The following ZNF235 variants were observed in gnomAD, a reference collection of about 807,000 sequenced individuals.
ZNF235 encodes zfp-93.
Under a neutral mutation model 29.4 loss-of-function variants are expected in ZNF235, and 25 were observed. The ratio of observed to expected loss-of-function variants is 0.85; its 90% CI spans 0.62 to 1.19. The LOEUF is 1.19. ZNF235 is among the 50% of genes most tolerant of loss of function. The pLI is 0.00. For missense variants in ZNF235, 788 were observed against 885.0 expected (o/e 0.89, Z 1.39); for synonymous variants, 300 against 295.3 (o/e 1.02, Z -0.16).
chr19:44,302,761 T>C (rs946748844), intron 2 of ZNF235, among the ~76,000 whole-genome samples: 3 of 74,246 alleles, frequency 4.0e-5, no homozygotes, highest in African/African-American at 5.1e-5. Flanking sequence ...TAGAGATTTA[T>C]ATTTACATAT....
In ZNF235 at chr19:44,288,195, G is replaced by C. The variant is rs1475547989; in HGVS notation, c.1240C>G (p.Gln414Glu). The C allele has an allele frequency of 6.2e-7, 1 of 1,613,684 alleles. No homozygotes were observed. The highest frequency in any genetic ancestry group is 8.5e-7 in the Non-Finnish European group (1 of 1,179,900). Reference sequence around the variant, plus strand: ...TCATGGGCCTGAAGATGTGATCTCTGAGTGAAGCCCTTCCCACACACCTCA... The same window carrying C: ...TCATGGGCCTGAAGATGTGATCTCTCAGTGAAGCCCTTCCCACACACCTCA... ...KCEVCGKGFT[Q>E]RSHLQAHERI... Residue 414 changes from glutamine to glutamate, a missense_variant, in exon 5 of 5, where the codon CAG becomes GAG. Gln to Glu is a conservative substitution (Grantham distance 29, BLOSUM62 2). Coordinates refer to ENST00000291182, the MANE Select transcript of ZNF235 (RefSeq NM_004234.4).
chr19:44,293,403 C>A (rs1013432838), intron 4 of ZNF235, among the ~76,000 whole-genome samples: 4 of 151,696 alleles, frequency 2.6e-5, no homozygotes, highest in African/African-American at 9.7e-5. Context: ...ATATACACAC[C>A]AAACATCAGG....
chr19:44,291,133 C>T (rs186279700), intron 4 of ZNF235, among the ~76,000 whole-genome samples: 91 of 152,210 alleles, frequency 6.0e-4, no homozygotes, highest in African/African-American at 2.0e-3. Context: ...GAACATACTC[C>T]AAGACAGACC....
At chr19:44,289,317 G>A in intron 4 of ZNF235, 121 bp from the exon 5 acceptor site, 1 of 857,584 alleles carries the variant, frequency 1.2e-6, no homozygotes, top group Non-Finnish European at 1.7e-6. Context: ...TAGACTGGCT[G>A]AAATAAATTT....
chr19:44,289,546 C>T lies in ZNF235; in HGVS notation c.239-350G>A, dbSNP rs145301245. ...TTCCAAATTTTACACATAGTTCCTT[C>T]GGTATCAGGCTTTAGTTCATGATGG... On this transcript the variant is annotated intron_variant, in intron 4 of 4. Transcript: ENST00000291182. 7.6e-4 allele frequency: 130 copies of T among 171,106 alleles called. 1 individual carries two copies. Among genetic ancestry groups the T allele is most frequent in the African/African-American group, 2.8e-3 (118 of 42,298 alleles). The allele number at this position is 171,106 out of a possible 1,614,324, so 10.6% of individuals were successfully genotyped here.
intron 4 of ZNF235, chr19:44,290,186 A>ATGCC (rs1367786931): frequency 6.5e-6 from 1 of 152,734 alleles, no homozygotes; most frequent in African/African-American, 2.4e-5. Context: ...ACCTGTGGAT[A>ATGCC]TGCCATCCAG....
At chr19:44,302,587 C>G (rs2123107925) in intron 2 of ZNF235, among the ~76,000 whole-genome samples, 1 of 151,566 alleles carries the variant, frequency 6.6e-6, no homozygotes, top group African/African-American at 2.4e-5. Context: ...CAGGAACACC[C>G]CATCTCTACT....
Position 44,288,835 on chromosome 19 carries a change from C to A in ZNF235, c.600G>T (p.Gln200His), listed in dbSNP as rs775093919. The change falls in exon 5 of 5, where the codon CAG becomes CAT. Residue 200 changes from glutamine (Q) to histidine (H), a missense_variant. Transcript: ENST00000291182. ...ETQNYQRSCK[Q>H]TQMKNKLCIF... ...TACATAGTTTGTTTTTCATCTGAGT[C>A]TGCTTACAACTTCTCTGATAATTCT... is the stretch of plus-strand genomic sequence containing the variant. 2.5e-6 allele frequency: 4 copies of A among 1,612,626 alleles called. No homozygotes were observed. In the South Asian group the frequency reaches 4.4e-5, roughly 18 times the overall value.
At chr19:44,300,906 CCTTTG>C (rs914937517) in intron 2 of ZNF235, among the ~76,000 whole-genome samples, 7 of 149,142 alleles carry the variant, frequency 4.7e-5, no homozygotes, top group African/African-American at 7.4e-5. Flanking sequence ...AATATATATA[CCTTTG>C]TTTTGCTGGT....
At chr19:44,300,798 T>TCACTG (rs1975725644) in intron 2 of ZNF235, among the ~76,000 whole-genome samples, 2 of 143,134 alleles carry the variant, frequency 1.4e-5, no homozygotes, top group African/African-American at 5.4e-5. Flanking sequence ...CAAGATCATG[T>TCACTG]CACTGCACTC....
In ZNF235 at chr19:44,288,659, C is replaced by A. The variant is rs767446270; in HGVS notation, c.776G>T (p.Gly259Val). The A allele has an allele frequency of 1.9e-6, 3 of 1,614,086 alleles. No individual in the cohort carries two copies. The South Asian group carries it at 3.3e-5, about 18-fold the overall frequency. ...SPLTQRSIHT[G>V]QKTYQGNECE... ...TTCATTACCCTGGTAGGTTTTCTGT[C>A]CTGTGTGAATACTACGCTGGGTAAG... The change falls in exon 5 of 5, where the codon GGA becomes GTA. Residue 259 changes from glycine to valine, a missense_variant. Physicochemically the swap from Gly to Val is moderately radical, Grantham distance 109. Coordinates refer to ENST00000291182, the MANE Select transcript of ZNF235 (RefSeq NM_004234.4).
intron 1 of ZNF235, 193 bp downstream of exon 1, chr19:44,304,778 T>C (rs1472829450): frequency 9.1e-6 from 9 of 985,278 alleles, no homozygotes; most frequent in Non-Finnish European, 9.6e-6. Context: ...ACCCTCAACC[T>C]CGAAGGACGA....
chr19:44,291,536 C>T (rs1445632606), intron 4 of ZNF235, among the ~76,000 whole-genome samples: 1 of 152,024 alleles, frequency 6.6e-6, no homozygotes, highest in Non-Finnish European at 1.5e-5. Flanking sequence ...ATGATAAAAA[C>T]AGAAAGAAGA....
chr19:44,298,778 T>C (rs547016505), intron 4 of ZNF235, 30 bp downstream of exon 4: 32 of 1,479,424 alleles, frequency 2.2e-5, no homozygotes, highest in Non-Finnish European at 2.6e-5. Context: ...TAACAGCTGT[T>C]AACTACGATT....
At chr19:44,303,513 T>C (rs372973222) in intron 1 of ZNF235, 61 bp from the exon 2 acceptor site, 13 of 1,459,412 alleles carry the variant, frequency 8.9e-6, no homozygotes, top group African/African-American at 4.2e-5. Flanking sequence ...CATGGCACTT[T>C]TATGTGACAC....
intron 4 of ZNF235, among the ~76,000 whole-genome samples, chr19:44,293,269 C>T (rs1268373476): frequency 2.6e-5 from 4 of 151,816 alleles, no homozygotes; most frequent in Non-Finnish European, 5.9e-5. Flanking sequence ...AAACCAGAAA[C>T]GAGCAGGAGT....
At chr19:44,301,471 CTTTTT>C (rs199636863) in intron 2 of ZNF235, among the ~76,000 whole-genome samples, 3 of 147,184 alleles carry the variant, frequency 2.0e-5, no homozygotes, top group East Asian at 3.9e-4. Flanking sequence ...TGAATAGTCT[CTTTTT>C]TTTTTTTCTT....
chr19:44,300,490 C>T (rs1975720584), intron 2 of ZNF235, among the ~76,000 whole-genome samples: 1 of 151,952 alleles, frequency 6.6e-6, no homozygotes, highest in South Asian at 2.1e-4. Context: ...AATGACAATG[C>T]CACAAGAAAA....
At position 44,298,870 on chromosome 19, in the gene ZNF235, T is replaced by A; in HGVS notation, c.176A>T (p.Gln59Leu). The A allele has an allele frequency of 6.2e-7, 1 of 1,614,002 alleles. No individual in the cohort carries two copies. The highest frequency in any genetic ancestry group is 1.1e-5 in the South Asian group (1 of 91,066). ...CCAAAGCTTTTCTTCCCTCTCCAAC[T>A]GGGATATCATATCTGGTTTGAAGGA... ...HQSFKPDMISQLEREEKLWMK... is the reference protein window; with the variant it reads ...HQSFKPDMISLLEREEKLWMK... The change falls in exon 4 of 5, where the codon CAG becomes CTG. Residue 59 changes from glutamine (Q) to leucine (L), a missense_variant. Coordinates refer to ENST00000291182, the MANE Select transcript of ZNF235 (RefSeq NM_004234.4).
Sources: allele counts gnomAD v4.1 joint callset (sites outside exome capture counted in the v4.1 genomes callset), GRCh38; gene constraint gnomAD v4.1.1; transcripts MANE v1.5; gene names NCBI Gene and HGNC (gene_info 2026-07-23, HGNC 2026-07-21).